CECR2: variants seen among roughly 807,000 people sequenced by gnomAD.
CECR2 encodes CECR2 histone acetyl-lysine reader, also known as chromatin remodeling regulator CECR2.
In CECR2, 30 loss-of-function variants were observed where a neutral mutation model predicts 154.5. The observed-to-expected ratio is 0.19, with a 90% CI of 0.15 to 0.26. The LOEUF (loss-of-function observed/expected upper bound fraction) is 0.26, where lower values mean the gene tolerates loss of function less well. Among genes scored for constraint, CECR2 ranks in the 10% least tolerant of loss-of-function variants. CECR2 has a pLI of 1.00. For synonymous variants in CECR2, 725 were observed against 683.7 expected (o/e 1.06, Z -0.94); for missense variants, 1,743 against 1,829.3 (o/e 0.95, Z 0.86).
At chr22:17,516,866 T>C (rs1457006272) in intron 8 of CECR2, among the ~76,000 whole-genome samples, 1 of 152,012 alleles carries the variant, frequency 6.6e-6, no homozygotes, top group African/African-American at 2.4e-5. Flanking sequence ...AGTGCTGGGA[T>C]TACAGGTGTG....
rs572020888 is a variant in CECR2, at chr22:17,397,507, A to T, written c.126+27598A>T. Among the ~76,000 whole-genome samples the T allele has an allele frequency of 1.6e-4, 24 of 151,594 alleles. No homozygotes were observed. The South Asian group carries it at 2.3e-3, about 14-fold the overall frequency. On this transcript the variant is annotated intron_variant, in intron 1 of 18. Transcript: ENST00000262608. ...CTACGTATAAACACAAATTATTATT[A>T]TTTTTTTTAAGACGGAGTCTCACTC...
intron 1 of CECR2, among the ~76,000 whole-genome samples, chr22:17,451,933 C>G (rs1455034206): frequency 3.3e-5 from 5 of 152,098 alleles, no homozygotes; most frequent in Non-Finnish European, 7.4e-5. Flanking sequence ...ACGTGAAGGA[C>G]TTGAGGCCTG....
chr22:17,517,994 A>C (rs1199950507), intron 8 of CECR2, among the ~76,000 whole-genome samples: 1 of 151,768 alleles, frequency 6.6e-6, no homozygotes, highest in East Asian at 1.9e-4. Context: ...GGCCCAGTTA[A>C]GGGCTTTGAC....
In CECR2 at chr22:17,553,140, T is replaced by G. The variant is rs1329317161; in HGVS notation, c.*300T>G. 5 of 390,954 alleles carry G rather than the reference T, an allele frequency of 1.3e-5. No individual in the cohort carries two copies. The highest frequency in any genetic ancestry group is 2.1e-5 in the Non-Finnish European group (5 of 242,140). 24.2% of individuals were successfully genotyped at this position (390,954 alleles called of 1,614,324 possible). ...GACTTTTCCAAATCCTGAGACACTTTTCAGGGAAAATCACTTTAAACTTGG... is the reference window on the plus strand; with the variant it reads ...GACTTTTCCAAATCCTGAGACACTTGTCAGGGAAAATCACTTTAAACTTGG... On this transcript the variant is annotated 3_prime_UTR_variant, in exon 19 of 19. Coordinates refer to ENST00000262608, the MANE Select transcript of CECR2 (RefSeq NM_001290047.2).
At chr22:17,534,255 G>A (rs535411003) in intron 9 of CECR2, among the ~76,000 whole-genome samples, 14 of 152,208 alleles carry the variant, frequency 9.2e-5, no homozygotes, top group Admixed American at 2.0e-4. Context: ...ATGCACAGGA[G>A]TTCAAGGTTG....
chr22:17,497,600 G>A lies in CECR2; in HGVS notation c.405+14G>A. On this transcript the variant is annotated intron_variant, in intron 3 of 18. Transcript: ENST00000262608. ...GATCTTCTAAAGGTATGCTTAACTGGCGAACCTTTCCCTGTAGCTGTGAAA... is the reference window on the plus strand; with the variant it reads ...GATCTTCTAAAGGTATGCTTAACTGACGAACCTTTCCCTGTAGCTGTGAAA... 10 of 1,611,566 alleles carry A rather than the reference G, an allele frequency of 6.2e-6. No homozygotes were observed. Among genetic ancestry groups the A allele is most frequent in the Non-Finnish European group, 8.5e-6 (10 of 1,177,920 alleles).
At chr22:17,403,953 TAGC>T in intron 1 of CECR2, among the ~76,000 whole-genome samples, 1 of 152,120 alleles carries the variant, frequency 6.6e-6, no homozygotes, top group East Asian at 1.9e-4. Context: ...ATGTGTTTAG[TAGC>T]ATTTGTAGAT....
intron 16 of CECR2, among the ~76,000 whole-genome samples, chr22:17,543,562 A>T (rs2056564838): frequency 7.3e-6 from 1 of 136,118 alleles, no homozygotes; most frequent in Admixed American, 7.3e-5. Context: ...ACTCCTCCTG[A>T]GACTTTTTTT....
At chr22:17,372,512 A>C (rs950217317) in intron 1 of CECR2, among the ~76,000 whole-genome samples, 1 of 152,132 alleles carries the variant, frequency 6.6e-6, no homozygotes, top group Non-Finnish European at 1.5e-5. Flanking sequence ...CTAAAAATAT[A>C]AAAAGTTAGC....
intron 1 of CECR2, among the ~76,000 whole-genome samples, chr22:17,445,675 C>T (rs1173479106): frequency 6.6e-6 from 1 of 151,716 alleles, no homozygotes; most frequent in Non-Finnish European, 1.5e-5. Flanking sequence ...TGACTGCAAC[C>T]TCTGCCTCCC....
rs750122881 is a variant in CECR2 at position 17,542,766 on chromosome 22, G to A, written c.2623G>A (p.Gly875Arg). The A allele has an allele frequency of 1.2e-5, 19 of 1,613,892 alleles. No homozygotes were observed. The South Asian group carries it at 2.1e-4, about 18-fold the overall frequency. Reference protein sequence around the residue: ...APAQALRGVQGGDSMMDSPEM... With the variant: ...APAQALRGVQRGDSMMDSPEM... Reference sequence around the variant, plus strand: ...TGCCCAGGCTCTTCGGGGGGTGCAGGGAGGGGACTCCATGATGGACAGCCC... The same window carrying A: ...TGCCCAGGCTCTTCGGGGGGTGCAGAGAGGGGACTCCATGATGGACAGCCC... Residue 875 changes from glycine to arginine, a missense_variant, in exon 16 of 19, where the codon GGA (glycine) becomes AGA (arginine). Physicochemically the swap from Gly to Arg is moderately radical, Grantham distance 125. Around this residue, in one of 4 missense-constraint regions of CECR2, gnomAD observed 1,250 missense variants for 1,192.1 expected, o/e 1.05. Coordinates refer to ENST00000262608, the MANE Select transcript of CECR2 (RefSeq NM_001290047.2).
chr22:17,463,948 G>A (rs973506370), intron 1 of CECR2, among the ~76,000 whole-genome samples: 1 of 152,166 alleles, frequency 6.6e-6, no homozygotes, highest in Non-Finnish European at 1.5e-5. Context: ...AAATAGCAGT[G>A]CGGTGGTGGG....
At chr22:17,509,854 C>G (rs983072734) in intron 7 of CECR2, among the ~76,000 whole-genome samples, 56 of 152,180 alleles carry the variant, frequency 3.7e-4, no homozygotes, top group African/African-American at 1.3e-3. Context: ...GTTAATCCTT[C>G]TCTGTCCGCC....
At chr22:17,509,501 C>T (rs1402603193) in intron 7 of CECR2, among the ~76,000 whole-genome samples, 1 of 151,416 alleles carries the variant, frequency 6.6e-6, no homozygotes, top group Admixed American at 6.6e-5. Flanking sequence ...GTGATCATAG[C>T]TCATTGTAAC....
chr22:17,477,756 C>T, intron 2 of CECR2, 74 bp downstream of exon 2: 4 of 1,066,344 alleles, frequency 3.8e-6, no homozygotes, highest in Non-Finnish European at 5.8e-6. Context: ...TGTTTCCTGT[C>T]TCCTGTGACA....
At chr22:17,381,706 C>T (rs5992036) in intron 1 of CECR2, among the ~76,000 whole-genome samples, 3,503 of 152,130 alleles carry the variant, frequency 0.023, 142 homozygotes, top group African/African-American at 0.079. Context: ...AGGGGCAGGG[C>T]AGCAGTGGTA....
At chr22:17,492,115 A>G (rs1233130112) in intron 2 of CECR2, among the ~76,000 whole-genome samples, 1 of 152,214 alleles carries the variant, frequency 6.6e-6, no homozygotes, top group East Asian at 1.9e-4. Context: ...ATCTCAATTC[A>G]GTACTTATGT....
At position 17,470,591 on chromosome 22, in the gene CECR2, C is replaced by G. The variant is rs574458312; in HGVS notation, c.127-6997C>G. Among the ~76,000 whole-genome samples, 6 of 152,180 alleles carry G rather than the reference C, an allele frequency of 3.9e-5. No homozygotes were observed. The South Asian group carries it at 1.2e-3, about 32-fold the overall frequency. On this transcript the variant is annotated intron_variant, in intron 1 of 18. Transcript: ENST00000262608. Reference sequence around the variant, plus strand: ...TTTATCTCCCCTATTTCTGTTTATCCGTTAAAGATACTATAATCTTTTCTT... The same window carrying G: ...TTTATCTCCCCTATTTCTGTTTATCGGTTAAAGATACTATAATCTTTTCTT...
chr22:17,425,054 G>A (rs983308670), intron 1 of CECR2, among the ~76,000 whole-genome samples: 7 of 152,136 alleles, frequency 4.6e-5, no homozygotes, highest in African/African-American at 9.7e-5. Flanking sequence ...TGGCTTTTAC[G>A]TTAACTATGC....
Sources: gnomAD v4.1 joint callset for allele counts (sites outside exome capture counted in the v4.1 genomes callset) on GRCh38, gnomAD v4.1.1 for gene constraint, gnomAD v4.1.1 regional missense constraint, MANE v1.5 for transcripts, NCBI Gene and HGNC (gene_info 2026-07-23, HGNC 2026-07-21) for gene names.